Variants in REPS2 observed in about 807,000 individuals in gnomAD.
REPS2 encodes RALBP1 associated Eps domain containing 2.
In REPS2, 23 loss-of-function variants were observed where a neutral mutation model predicts 53.6. The observed-to-expected ratio is 0.43, with a 90% CI of 0.31 to 0.61. REPS2 has a LOEUF of 0.61. Ranked by LOEUF, REPS2 falls within the 20% of genes least tolerant of loss-of-function variation. REPS2 has a pLI of 0.11. For synonymous variants in REPS2, 238 were observed against 218.6 expected (o/e 1.09, Z -0.78); for missense variants, 446 against 534.9 (o/e 0.83, Z 1.64).
intron 1 of REPS2, among the ~76,000 whole-genome samples, chrX:17,004,148 G>A (rs2061335975): frequency 9.0e-6 from 1 of 111,170 alleles, no homozygotes; most frequent in Non-Finnish European, 1.9e-5. Flanking sequence ...TTACAGGTTT[G>A]GAGTTTAGAC....
At chrX:17,081,045 C>T (rs375944539) in intron 13 of REPS2, among the ~76,000 whole-genome samples, 2 of 110,914 alleles carry the variant, frequency 1.8e-5, no homozygotes, top group African/African-American at 3.3e-5. Flanking sequence ...CTGCCTGGGT[C>T]ACCCTGTTTA....
At chrX:16,987,107 T>A (rs904474256) in intron 1 of REPS2, among the ~76,000 whole-genome samples, 10 of 109,688 alleles carry the variant, frequency 9.1e-5, no homozygotes, top group Non-Finnish European at 1.1e-4. Context: ...TTAATTAATT[T>A]ATTTTTTTGT....
intron 1 of REPS2, among the ~76,000 whole-genome samples, chrX:16,968,827 A>AC (rs1269271503): frequency 1.7e-4 from 13 of 77,899 alleles, no homozygotes; most frequent in East Asian, 4.0e-4. Flanking sequence ...CGGGGGGCTG[A>AC]CCCCCCCACC....
chrX:17,193,192 G>T, the REPS2 span, among the ~76,000 whole-genome samples: 29 of 112,383 alleles, frequency 2.6e-4, no homozygotes, highest in Admixed American at 3.8e-4. Flanking sequence ...TAAAGCAATT[G>T]TATCATTTTG....
intron 14 of REPS2, among the ~76,000 whole-genome samples, chrX:17,128,259 G>A (rs2063242094): frequency 9.0e-6 from 1 of 111,617 alleles, no homozygotes; most frequent in Non-Finnish European, 1.9e-5. Flanking sequence ...GCCAAGCAAT[G>A]ATATAGTCTC....
chrX:17,153,888 C>G (rs999112004), downstream of REPS2, among the ~76,000 whole-genome samples: 12 of 111,433 alleles, frequency 1.1e-4, no homozygotes. Flanking sequence ...CTGACCATTC[C>G]TAAGCATTGA....
intron 13 of REPS2, among the ~76,000 whole-genome samples, chrX:17,093,553 C>G (rs1453137907): frequency 1.8e-5 from 2 of 110,168 alleles, no homozygotes; most frequent in East Asian, 2.8e-4. Context: ...GGAGAATGCA[C>G]TCTGCTGCAG....
intron 1 of REPS2, among the ~76,000 whole-genome samples, chrX:16,953,148 C>T (rs1034236709): frequency 3.5e-4 from 34 of 98,427 alleles, no homozygotes; most frequent in African/African-American, 1.2e-3. Context: ...CACACACAAA[C>T]ACACAAACCA....
chrX:17,172,157 A>G, the REPS2 span, among the ~76,000 whole-genome samples: 13 of 112,074 alleles, frequency 1.2e-4, no homozygotes, highest in South Asian at 4.4e-3. Flanking sequence ...CAGGCTTAGA[A>G]TCCTGGCCAT....
intron 14 of REPS2, among the ~76,000 whole-genome samples, chrX:17,118,107 C>T (rs1270882837): frequency 2.0e-5 from 2 of 100,585 alleles, no homozygotes; most frequent in Non-Finnish European, 4.0e-5. Flanking sequence ...CTACAGGCGC[C>T]TGCCACTACG....
At chrX:16,995,362 G>C (rs1013362931) in intron 1 of REPS2, among the ~76,000 whole-genome samples, 1 of 112,372 alleles carries the variant, frequency 8.9e-6, no homozygotes, top group African/African-American at 3.2e-5. Flanking sequence ...AGTGAATTTG[G>C]TTCATGTAAC....
At chrX:17,055,398 T>C (rs1376813819) in intron 8 of REPS2, among the ~76,000 whole-genome samples, 14 of 58,992 alleles carry the variant, frequency 2.4e-4, no homozygotes, top group Non-Finnish European at 2.8e-4. Flanking sequence ...GCCATTGCTT[T>C]TGGTGTTTTG....
chrX:16,955,331 T>C (rs1305824399), intron 1 of REPS2, among the ~76,000 whole-genome samples: 2 of 111,580 alleles, frequency 1.8e-5, no homozygotes, highest in Non-Finnish European at 3.8e-5. Flanking sequence ...CAAACTGGGA[T>C]GGTCACCCCC....
chrX:17,090,621 A>T (rs1300340682), intron 13 of REPS2, among the ~76,000 whole-genome samples: 1 of 112,560 alleles, frequency 8.9e-6, no homozygotes, highest in Non-Finnish European at 1.9e-5. Context: ...GTAATTCTTT[A>T]TATATTCTGG....
At chrX:16,966,878 G>A (rs748157353) in intron 1 of REPS2, among the ~76,000 whole-genome samples, 10 of 112,371 alleles carry the variant, frequency 8.9e-5, no homozygotes, top group Middle Eastern at 4.6e-3. Context: ...ATTTATTCCT[G>A]TAAACATTCT....
At chrX:16,958,161 A>C (rs141155677) in intron 1 of REPS2, among the ~76,000 whole-genome samples, 4 of 111,802 alleles carry the variant, frequency 3.6e-5, no homozygotes, top group African/African-American at 6.5e-5. Flanking sequence ...GAGGCAGACT[A>C]AAAAAGAATG....
intron 1 of REPS2, among the ~76,000 whole-genome samples, chrX:16,993,459 G>A (rs186432804): frequency 7.2e-5 from 8 of 111,515 alleles, no homozygotes; most frequent in African/African-American, 1.6e-4. Context: ...GATCCTAGGC[G>A]TGAGGTAGAG....
At chrX:16,951,657 A>G (rs1216374426) in intron 1 of REPS2, among the ~76,000 whole-genome samples, 2 of 111,082 alleles carry the variant, frequency 1.8e-5, no homozygotes, top group Non-Finnish European at 3.8e-5. Context: ...TTGAGGCTGC[A>G]ATGAGCCATT....
At chrX:17,188,186 A>G in the REPS2 span, among the ~76,000 whole-genome samples, 2 of 112,365 alleles carry the variant, frequency 1.8e-5, no homozygotes, top group Non-Finnish European at 3.8e-5. Context: ...CAAACATGGG[A>G]ATATACTTGA....
Sources: allele counts gnomAD v4.1 joint callset (sites outside exome capture counted in the v4.1 genomes callset), GRCh38; gene constraint gnomAD v4.1.1; transcripts MANE v1.5; gene names NCBI Gene and HGNC (gene_info 2026-07-23, HGNC 2026-07-21).